MINK1: variants seen among roughly 807,000 people sequenced by gnomAD.
The protein encoded by MINK1 is misshapen-like kinase 1.
In MINK1, 46 loss-of-function variants were observed where a neutral mutation model predicts 178.4. The observed-to-expected ratio is 0.26, with a 90% confidence interval of 0.20 to 0.33. The LOEUF is 0.33. MINK1 is among the 10% of genes least tolerant of loss of function. MINK1 has a pLI of 1.00. For synonymous variants in MINK1, 797 were observed against 709.7 expected (o/e 1.12, Z -1.96); for missense variants, 1,366 against 1,814.9 (o/e 0.75, Z 4.49).
intron 1 of MINK1, among the ~76,000 whole-genome samples, chr17:4,839,936 TTAATG>T (rs1909922306): frequency 8.0e-6 from 1 of 124,942 alleles, no homozygotes; most frequent in Admixed American, 9.4e-5. Flanking sequence ...TAATTATTTA[TTAATG>T]TGTGTGTGTG....
chr17:4,897,497 G>A lies in MINK1; in HGVS notation c.*210G>A. The A allele has an allele frequency of 1.9e-6, 1 of 539,800 alleles. No individual in the cohort carries two copies. The highest frequency in any genetic ancestry group is 3.3e-6 in the Non-Finnish European group (1 of 303,428). 33.4% of individuals were successfully genotyped at this position (539,800 alleles called of 1,614,324 possible). ...CAACATGTCCTCTTCCCAAAACTGT[G>A]CCTGTCCCCAGCTTCTGGGGAGGGA... On this transcript the variant is annotated 3_prime_UTR_variant, in exon 32 of 32. Transcript: ENST00000355280.
At position 4,833,793 on chromosome 17, in the gene MINK1, G is replaced by T. The variant is rs763961324; in HGVS notation, c.57+153G>T. ...TGCCCCTTTCCCGGACTCCCGCCGC[G>T]GCTGGGCCCCCGCCCTCTGCTCCCT... On this transcript the variant is annotated intron_variant, in intron 1 of 31. Coordinates refer to ENST00000355280, the MANE Select transcript of MINK1 (RefSeq NM_153827.5). This position sits in a 1 kb window ranked among gnomAD's most constrained non-coding sequence, Gnocchi z 4.8. Among the ~76,000 whole-genome samples, 6 of 152,154 alleles carry T rather than the reference G, an allele frequency of 3.9e-5. No homozygotes were observed. The highest frequency in any genetic ancestry group is 7.3e-5 in the Non-Finnish European group (5 of 68,034).
chr17:4,890,217 C>A, intron 13 of MINK1: 1 of 1,272,922 alleles, frequency 7.9e-7, no homozygotes, highest in Non-Finnish European at 1.0e-6. Flanking sequence ...CACCCCGTCC[C>A]CCAGGAATAT....
At chr17:4,875,803 T>C (rs891963864) in intron 1 of MINK1, among the ~76,000 whole-genome samples, 3 of 151,406 alleles carry the variant, frequency 2.0e-5, no homozygotes, top group Admixed American at 6.6e-5. Flanking sequence ...TAGGTTTTTT[T>C]TCCCCCCGCC....
rs952985838 is a variant in MINK1, at chr17:4,852,016, A to C, written c.57+18376A>C. On this transcript the variant is annotated intron_variant, in intron 1 of 31. Coordinates refer to ENST00000355280, the MANE Select transcript of MINK1 (RefSeq NM_153827.5). Reference sequence around the variant, plus strand: ...CTCTGTCTCAAAAAAAAAAAAAAAAAAAAAAAAAAAACTAAGAAAGTCCAC... The same window carrying C: ...CTCTGTCTCAAAAAAAAAAAAAAAACAAAAAAAAAAACTAAGAAAGTCCAC... 4.6e-5 allele frequency among the ~76,000 whole-genome samples: 7 copies of C among 151,370 alleles called. No individual in the cohort carries two copies. In the South Asian group the frequency reaches 8.3e-4, roughly 18 times the overall value.
chr17:4,878,856 C>G (rs2150982323), intron 2 of MINK1, among the ~76,000 whole-genome samples: 1 of 152,342 alleles, frequency 6.6e-6, no homozygotes, highest in South Asian at 2.1e-4. Flanking sequence ...AGGCTTTTGG[C>G]TTTTGAGCTG....
At position 4,833,571 on chromosome 17, in the gene MINK1, C is replaced by G; in HGVS notation, c.-13C>G. 2 of 1,496,010 alleles carry G rather than the reference C, an allele frequency of 1.3e-6. No individual in the cohort carries two copies. The highest frequency in any genetic ancestry group is 2.9e-5 in the East Asian group (1 of 34,958). 92.7% of individuals were successfully genotyped at this position (1,496,010 alleles called of 1,614,324 possible). A position where few individuals can be genotyped will look rare whatever the true frequency, so the allele number is the denominator to read the frequency against. On this transcript the variant is annotated 5_prime_UTR_variant, in exon 1 of 32. Coordinates refer to ENST00000355280, the MANE Select transcript of MINK1 (RefSeq NM_153827.5). This position sits in a 1 kb window ranked among gnomAD's most constrained non-coding sequence, Gnocchi z 4.8. ...GCGTGAGCGGCCCCGGTGCCCCGTT[C>G]CCCACGGAGGCCATGGGCGACCCAG...
chr17:4,858,829 A>G (rs185776464), intron 1 of MINK1, among the ~76,000 whole-genome samples: 5 of 152,256 alleles, frequency 3.3e-5, no homozygotes, highest in Non-Finnish European at 5.9e-5. Context: ...CAGTCCTGGT[A>G]TGGTTAGTAA....
chr17:4,894,627 A>C lies in MINK1; in HGVS notation c.2911A>C (p.Ile971Leu). Residue 971 changes from isoleucine (I) to leucine (L), a missense_variant, in exon 24 of 32, where the codon ATC becomes CTC. Physicochemically the swap from Ile to Leu is conservative, Grantham distance 5. This residue lies in a region of MINK1 where 709 missense variants were observed against 692.3 expected (regional missense o/e 1.02). Transcript: ENST00000355280. The surrounding 1 kb of genome is among the most constrained non-coding windows in gnomAD (Gnocchi z 4.1). Reference protein sequence around the residue: ...QPGGSGDSIPITALVGGEGTR... With the variant: ...QPGGSGDSIPLTALVGGEGTR... The stretch of plus-strand genomic sequence containing the variant: ...TGGAGGCAGTGGGGACAGCATCCCC[A>C]TCACAGGTGAGGACAGGAGGACAGA... The C allele has an allele frequency of 1.2e-6, 2 of 1,601,674 alleles. No homozygotes were observed. Among genetic ancestry groups the C allele is most frequent in the Middle Eastern group, 1.7e-4 (1 of 6,054 alleles).
At position 4,836,403 on chromosome 17, in the gene MINK1, T is replaced by A. The variant is rs1163307792; in HGVS notation, c.57+2763T>A. Among the ~76,000 whole-genome samples the A allele has an allele frequency of 6.6e-6, 1 of 152,194 alleles. No individual in the cohort carries two copies. Among genetic ancestry groups the A allele is most frequent in the East Asian group, 1.9e-4 (1 of 5,194 alleles). Reference sequence around the variant, plus strand: ...TGCTACTTTGTAGCCACAGCCACACTTGACCTCTTTGAGGTTCCTTTTCTC... The same window carrying A: ...TGCTACTTTGTAGCCACAGCCACACATGACCTCTTTGAGGTTCCTTTTCTC... On this transcript the variant is annotated intron_variant, in intron 1 of 31. Transcript: ENST00000355280. This position sits in a 1 kb window ranked among gnomAD's most constrained non-coding sequence, Gnocchi z 4.3.
At position 4,893,058 on chromosome 17, in the gene MINK1, C is replaced by A. The variant is rs1426447770; in HGVS notation, c.2391C>A (p.Gly797=). The change falls in exon 20 of 32, where the codon GGC becomes GGA. Residue 797 remains glycine (G), a synonymous_variant. Coordinates refer to ENST00000355280, the MANE Select transcript of MINK1 (RefSeq NM_153827.5). The stretch of plus-strand genomic sequence containing the variant: ...CCGACGACCACCGCTCACGGCCAGG[C>A]CGGCCCGCAGTGAGTCACCTGGTGG... ...AKPDDHRSRP[G]RPADFVLLKE... is the part of the protein sequence containing the mutation. 5 of 1,563,036 alleles carry A rather than the reference C, an allele frequency of 3.2e-6. No individual in the cohort carries two copies. Among genetic ancestry groups the A allele is most frequent in the East Asian group, 2.4e-5 (1 of 41,330 alleles).
chr17:4,885,666 T>G lies in MINK1; in HGVS notation c.639+53T>G. The G allele has an allele frequency of 1.2e-6, 2 of 1,608,472 alleles. No homozygotes were observed. Among genetic ancestry groups the G allele is most frequent in the Non-Finnish European group, 1.7e-6 (2 of 1,176,564 alleles). ...GGGCTGCCAAGGGCGGGAAGCAATATGGGGACCACGGGGCCTGAGCAGGCT... is the reference window on the plus strand; with the variant it reads ...GGGCTGCCAAGGGCGGGAAGCAATAGGGGGACCACGGGGCCTGAGCAGGCT... On this transcript the variant is annotated intron_variant, in intron 7 of 31. Coordinates refer to ENST00000355280, the MANE Select transcript of MINK1 (RefSeq NM_153827.5). The surrounding 1 kb of genome is among the most constrained non-coding windows in gnomAD (Gnocchi z 5.0).
rs1382860659 is a variant in MINK1 at position 4,859,094 on chromosome 17, CG to C, written c.58-19219del. ...CACTGGCTCTAGCAGCAGGACCTGC[CG>C]GGGCATATCTGAGTGAATAATCATT... On this transcript the variant is annotated intron_variant, in intron 1 of 31. Coordinates refer to ENST00000355280, the MANE Select transcript of MINK1 (RefSeq NM_153827.5). 1.1e-5 allele frequency: 11 copies of C among 979,268 alleles called. No individual in the cohort carries two copies. The Admixed American group carries it at 4.9e-4, about 44-fold the overall frequency. 60.7% of individuals were successfully genotyped at this position (979,268 alleles called of 1,614,324 possible).
Position 4,893,056 on chromosome 17 carries a change from G to A in MINK1, c.2389G>A (p.Gly797Ser), listed in dbSNP as rs1969028881. Residue 797 changes from glycine (G) to serine (S), a missense_variant, in exon 20 of 32, where the codon GGC becomes AGC. This residue lies in a region of MINK1 where 709 missense variants were observed against 692.3 expected (regional missense o/e 1.02). Transcript: ENST00000355280. Reference sequence around the variant, plus strand: ...GCCCGACGACCACCGCTCACGGCCAGGCCGGCCCGCAGTGAGTCACCTGGT... The same window carrying A: ...GCCCGACGACCACCGCTCACGGCCAAGCCGGCCCGCAGTGAGTCACCTGGT... The part of the protein sequence containing the change: ...AKPDDHRSRP[G>S]RPADFVLLKE... The A allele has an allele frequency of 1.3e-6, 2 of 1,564,898 alleles. No homozygotes were observed. Among genetic ancestry groups the A allele is most frequent in the African/African-American group, 1.4e-5 (1 of 73,442 alleles).
intron 1 of MINK1, among the ~76,000 whole-genome samples, chr17:4,864,084 C>T (rs760994976): frequency 3.3e-4 from 50 of 152,046 alleles, no homozygotes; most frequent in Non-Finnish European, 7.1e-4. Context: ...CCACCTTGCC[C>T]GGCCTAGCTG....
At chr17:4,874,961 T>C (rs1019370213) in intron 1 of MINK1, 2 of 474,232 alleles carry the variant, frequency 4.2e-6, no homozygotes, top group African/African-American at 4.0e-5. Flanking sequence ...GACAGATCAT[T>C]ATGGCTCTAA....
chr17:4,860,456 A>C (rs1433667997), intron 1 of MINK1, among the ~76,000 whole-genome samples: 7 of 151,956 alleles, frequency 4.6e-5, no homozygotes, highest in Non-Finnish European at 1.0e-4. Flanking sequence ...CAGTTTATGC[A>C]TGAACTCTTG....
Position 4,891,695 on chromosome 17 carries a change from A to G in MINK1, c.1980A>G (p.Pro660=), listed in dbSNP as rs1968835720. ...CGAATCCCCCAGCCTGGGTCCGCCC[A>G]GATAACGAGGCCCCACCCAAGGTAA... ...PSPNPPAWVR[P]DNEAPPKVPQ... The change falls in exon 16 of 32, where the codon CCA becomes CCG. Residue 660 remains proline (P), a synonymous_variant. Transcript: ENST00000355280. 6.2e-7 allele frequency: 1 copy of G among 1,602,834 alleles called. No individual in the cohort carries two copies. Among genetic ancestry groups the G allele is most frequent in the South Asian group, 1.1e-5 (1 of 89,298 alleles).
chr17:4,843,788 A>G (rs1910600417), intron 1 of MINK1, among the ~76,000 whole-genome samples: 1 of 152,148 alleles, frequency 6.6e-6, no homozygotes, highest in Non-Finnish European at 1.5e-5. Context: ...GAAGTTAAGT[A>G]ACTTGCCTGA....
Sources: gnomAD v4.1 joint callset for allele counts (sites outside exome capture counted in the v4.1 genomes callset) on GRCh38, gnomAD v4.1.1 for gene constraint, gnomAD v4.1.1 regional missense constraint, Gnocchi (gnomAD v3.1) non-coding constraint, MANE v1.5 for transcripts, NCBI Gene and HGNC (gene_info 2026-07-23, HGNC 2026-07-21) for gene names.